AJAP1: variants seen among roughly 807,000 people sequenced by gnomAD.
AJAP1 encodes the protein adherens junction-associated protein 1.
A neutral mutation model predicts 35.0 loss-of-function variants in AJAP1; 5 were observed. That is an observed-to-expected ratio of 0.14 (90% CI 0.07 to 0.30). AJAP1 has a LOEUF of 0.30. Ranked by LOEUF, AJAP1 falls within the 10% of genes least tolerant of loss-of-function variation. The pLI, the probability that AJAP1 is intolerant of heterozygous loss-of-function variation, is 1.00. For missense variants in AJAP1, 586 were observed against 571.0 expected (o/e 1.03, Z -0.27); for synonymous variants, 284 against 249.3 (o/e 1.14, Z -1.31).
Position 4,677,136 on chromosome 1 carries a change from G to A in AJAP1, c.29+21682G>A, listed in dbSNP as rs116655456. 4.3e-3 allele frequency among the ~76,000 whole-genome samples: 648 copies of A among 152,302 alleles called. 5 individuals carry two copies. Among genetic ancestry groups the A allele is most frequent in the African/African-American group, 0.014 (600 of 41,554 alleles). ...CGTGCCACCGCACTTCAGCCTGGGC[G>A]ACAAAAGTGAGAATCCGTCTCAAAA... On this transcript the variant is annotated intron_variant, in intron 1 of 5. Coordinates refer to ENST00000378191, the MANE Select transcript of AJAP1 (RefSeq NM_018836.4).
rs192997621 is a variant in AJAP1 at position 4,683,440 on chromosome 1, A to G, written c.29+27986A>G. 1.1e-4 allele frequency among the ~76,000 whole-genome samples: 17 copies of G among 152,300 alleles called. No individual in the cohort carries two copies. The East Asian group carries it at 3.1e-3, about 28-fold the overall frequency. On this transcript the variant is annotated intron_variant, in intron 1 of 5. Coordinates refer to ENST00000378191, the MANE Select transcript of AJAP1 (RefSeq NM_018836.4). ...AAGCGTTTCTTACCAGTTCCAGGTG[A>G]CGCTGGTTCCACTGGCCTGGGGACC... is the stretch of plus-strand genomic sequence containing the variant.
rs1324036641 is a variant in AJAP1, at chr1:4,734,768, C to T, written c.829+22069C>T. Among the ~76,000 whole-genome samples, 1 of 152,122 alleles carries T rather than the reference C, an allele frequency of 6.6e-6. No individual in the cohort carries two copies. The highest frequency in any genetic ancestry group is 1.5e-5 in the Non-Finnish European group (1 of 68,020). ...GAGAAGGGCAGCACCCAAGAGGGGT[C>T]AGTGATGGTGGCAGGGCCAAGGCTC... On this transcript the variant is annotated intron_variant, in intron 2 of 5. Transcript: ENST00000378191. The surrounding 1 kb of genome is among the most constrained non-coding windows in gnomAD (Gnocchi z 4.3).
chr1:4,778,679 G>T (rs1641988831), intron 5 of AJAP1, among the ~76,000 whole-genome samples: 1 of 151,770 alleles, frequency 6.6e-6, no homozygotes, highest in South Asian at 2.1e-4. Context: ...AGTAGAGAGA[G>T]ATGCCTGTAG....
At chr1:4,777,918 C>T (rs1459358300) in intron 5 of AJAP1, 1 of 152,214 alleles carries the variant, frequency 6.6e-6, no homozygotes, top group Non-Finnish European at 1.5e-5. Context: ...GCTTGCTGAG[C>T]TGAGAACAGT....
intron 5 of AJAP1, among the ~76,000 whole-genome samples, chr1:4,780,936 G>T (rs1642049755): frequency 6.6e-6 from 1 of 152,154 alleles, no homozygotes; most frequent in Non-Finnish European, 1.5e-5. Context: ...TCATGGAGTT[G>T]TCCACACGGA....
At chr1:4,674,429 A>G (rs1011640894) in intron 1 of AJAP1, among the ~76,000 whole-genome samples, 3 of 152,234 alleles carry the variant, frequency 2.0e-5, no homozygotes, top group Non-Finnish European at 2.9e-5. Context: ...TGATTTTCAT[A>G]AGGACAGAGT....
At chr1:4,705,404 T>C (rs1640080554) in intron 1 of AJAP1, among the ~76,000 whole-genome samples, 3 of 111,580 alleles carry the variant, frequency 2.7e-5, no homozygotes, top group African/African-American at 1.1e-4. Context: ...GCTTTTTTTT[T>C]TTTTTTTTTT....
At chr1:4,677,686 A>G (rs1639392688) in intron 1 of AJAP1, among the ~76,000 whole-genome samples, 1 of 152,154 alleles carries the variant, frequency 6.6e-6, no homozygotes, top group Non-Finnish European at 1.5e-5. Flanking sequence ...GCCAGCGGGT[A>G]TTCATATGGG....
chr1:4,770,878 AC>A (rs1216554353), intron 3 of AJAP1, among the ~76,000 whole-genome samples: 1 of 152,088 alleles, frequency 6.6e-6, no homozygotes, highest in East Asian at 1.9e-4. Flanking sequence ...CCTCAAAGCC[AC>A]CTCCTGATAG....
Position 4,693,145 on chromosome 1 carries a change from A to G in AJAP1, c.30-18755A>G, listed in dbSNP as rs1308114380. Among the ~76,000 whole-genome samples, 1 of 152,022 alleles carries G rather than the reference A, an allele frequency of 6.6e-6. No individual in the cohort carries two copies. The highest frequency in any genetic ancestry group is 1.5e-5 in the Non-Finnish European group (1 of 68,004). ...CTGGATTTTCTCCCAGTTTATGGGG[A>G]GAAACCGAGGAAACCTTGGAGAAGC... On this transcript the variant is annotated intron_variant, in intron 1 of 5. Coordinates refer to ENST00000378191, the MANE Select transcript of AJAP1 (RefSeq NM_018836.4). This position sits in a 1 kb window ranked among gnomAD's most constrained non-coding sequence, Gnocchi z 4.4.
At chr1:4,718,348 C>G (rs766290708) in intron 2 of AJAP1, among the ~76,000 whole-genome samples, 33 of 152,188 alleles carry the variant, frequency 2.2e-4, no homozygotes, top group Non-Finnish European at 2.9e-4. Context: ...ATGTTCCTGG[C>G]TTCAACTTAT....
At chr1:4,754,696 C>T (rs575499745) in intron 2 of AJAP1, among the ~76,000 whole-genome samples, 16 of 152,238 alleles carry the variant, frequency 1.1e-4, no homozygotes, top group Admixed American at 6.5e-4. Flanking sequence ...GTGACGGGGC[C>T]TCAGTCTTGT....
intron 2 of AJAP1, among the ~76,000 whole-genome samples, chr1:4,764,227 AC>A (rs1197901490): frequency 6.6e-6 from 1 of 152,162 alleles, no homozygotes; most frequent in Non-Finnish European, 1.5e-5. Context: ...GAATACATTC[AC>A]CCCTTGGAAG....
At chr1:4,750,762 A>G (rs943950345) in intron 2 of AJAP1, among the ~76,000 whole-genome samples, 5 of 151,282 alleles carry the variant, frequency 3.3e-5, no homozygotes, top group African/African-American at 9.7e-5. Flanking sequence ...CAGGGATCCA[A>G]GTTGGTCTGA....
rs576834364 is a variant in AJAP1 at position 4,688,159 on chromosome 1, G to A, written c.30-23741G>A. On this transcript the variant is annotated intron_variant, in intron 1 of 5. Transcript: ENST00000378191. ...GCTGGAGCGGTGGCCCCAGTGAGAC[G>A]GGGGTCCCTCGGAGCGCCCCGTAGT... is the stretch of plus-strand genomic sequence containing the variant. Among the ~76,000 whole-genome samples the A allele has an allele frequency of 7.2e-5, 11 of 152,274 alleles. No individual in the cohort carries two copies. In the South Asian group the frequency reaches 2.3e-3, roughly 32 times the overall value.
At chr1:4,732,568 A>C (rs1440976255) in intron 2 of AJAP1, among the ~76,000 whole-genome samples, 1 of 152,244 alleles carries the variant, frequency 6.6e-6, no homozygotes, top group Non-Finnish European at 1.5e-5. Context: ...CACTCTGCCT[A>C]CAGACAGCCT....
At chr1:4,774,994 G>C (rs1157584835) in intron 5 of AJAP1, among the ~76,000 whole-genome samples, 1 of 152,078 alleles carries the variant, frequency 6.6e-6, no homozygotes, top group Non-Finnish European at 1.5e-5. Context: ...CTTTACATCG[G>C]GGGAGGGCGC....
intron 2 of AJAP1, among the ~76,000 whole-genome samples, chr1:4,726,946 C>T (rs1246382644): frequency 6.6e-6 from 1 of 152,176 alleles, no homozygotes; most frequent in African/African-American, 2.4e-5. Flanking sequence ...CCAGGCTTGT[C>T]CCCTCTGTGT....
Position 4,788,856 on chromosome 1 carries a change from A to G in AJAP1, c.*6371A>G, listed in dbSNP as rs1642210453. Reference sequence around the variant, plus strand: ...CCATCGATTCCCAAACACACCAGCCACAAGTCCACACTCCACACCTGTAAA... The same window carrying G: ...CCATCGATTCCCAAACACACCAGCCGCAAGTCCACACTCCACACCTGTAAA... On this transcript the variant is annotated 3_prime_UTR_variant, in exon 6 of 6. Transcript: ENST00000378191. The G allele has an allele frequency of 6.6e-6, 1 of 152,370 alleles. No homozygotes were observed. Among genetic ancestry groups the G allele is most frequent in the Non-Finnish European group, 1.5e-5 (1 of 68,148 alleles). The allele number at this position is 152,370 out of a possible 1,614,324, so 9.4% of individuals were successfully genotyped here. A position where few individuals can be genotyped will look rare whatever the true frequency, so the allele number is the denominator to read the frequency against.
Sources: gnomAD v4.1 joint callset for allele counts (sites outside exome capture counted in the v4.1 genomes callset) on GRCh38, gnomAD v4.1.1 for gene constraint, Gnocchi (gnomAD v3.1) non-coding constraint, MANE v1.5 for transcripts, NCBI Gene and HGNC (gene_info 2026-07-23, HGNC 2026-07-21) for gene names.